MBD5: variants seen among roughly 807,000 people sequenced by gnomAD.
MBD5 encodes methyl-CpG-binding domain protein 5.
In MBD5, 13 loss-of-function variants were observed where a neutral mutation model predicts 117.3. The observed-to-expected ratio is 0.11, with a 90% CI of 0.07 to 0.18. The LOEUF (loss-of-function observed/expected upper bound fraction) is 0.18, where lower values mean the gene tolerates loss of function less well. MBD5 is among the 10% of genes least tolerant of loss of function. The probability of loss-of-function intolerance (pLI) is 1.00; values close to 1 mark genes in which losing one functional copy is unlikely to be tolerated. For missense variants in MBD5, 1,879 were observed against 2,093.8 expected, an observed-to-expected ratio of 0.90 and a Z score of 2.00; for synonymous variants, 727 against 766.4, an observed-to-expected ratio of 0.95 and a Z score of 0.85.
At chr2:148,065,943 A>T (rs1238369405) in intron 1 of MBD5, among the ~76,000 whole-genome samples, 1 of 152,206 alleles carries the variant, frequency 6.6e-6, no homozygotes, top group East Asian at 1.9e-4. Flanking sequence ...TGCTATTTTA[A>T]GGTTTCGGGT....
chr2:148,098,803 T>C (rs1574011432), intron 1 of MBD5, among the ~76,000 whole-genome samples: 1 of 151,806 alleles, frequency 6.6e-6, no homozygotes, highest in Non-Finnish European at 1.5e-5. Context: ...GTAGTCCCAG[T>C]GCTTTGGGAG....
intron 4 of MBD5, among the ~76,000 whole-genome samples, chr2:148,401,938 C>T (rs906760000): frequency 6.6e-6 from 1 of 151,904 alleles, no homozygotes; most frequent in Non-Finnish European, 1.5e-5. Flanking sequence ...GATTGCCCCT[C>T]AATTTGGGTT....
intron 2 of MBD5, among the ~76,000 whole-genome samples, chr2:148,189,187 C>T (rs1393946429): frequency 2.0e-5 from 3 of 147,376 alleles, no homozygotes; most frequent in African/African-American, 7.8e-5. Context: ...GGGAGGGGCG[C>T]CCGCCATTGC....
rs1457040183 is a variant in MBD5, at chr2:148,516,093, C to T, written c.*3152C>T. The stretch of plus-strand genomic sequence containing the variant: ...ACACAGCCTTCTTATTTGAACGTAA[C>T]ACTGCAGAATTGCAGGAAGAGAAAA... On this transcript the variant is annotated 3_prime_UTR_variant, in exon 14 of 14. Transcript: ENST00000642680. 1 of 152,174 alleles carries T rather than the reference C, an allele frequency of 6.6e-6. No individual in the cohort carries two copies. The highest frequency in any genetic ancestry group is 2.4e-5 in the African/African-American group (1 of 41,444). The allele number at this position is 152,174 out of a possible 1,614,324, so 9.4% of individuals were successfully genotyped here. A position where few individuals can be genotyped will look rare whatever the true frequency, so the allele number is the denominator to read the frequency against.
At chr2:148,466,426 T>C (rs1707260530) in intron 7 of MBD5, among the ~76,000 whole-genome samples, 1 of 152,168 alleles carries the variant, frequency 6.6e-6, no homozygotes, top group South Asian at 2.1e-4. Flanking sequence ...TAAATTCTGT[T>C]AGTTGAATAT....
At chr2:148,386,975 G>A (rs1704392110) in intron 4 of MBD5, among the ~76,000 whole-genome samples, 1 of 152,034 alleles carries the variant, frequency 6.6e-6, no homozygotes, top group Admixed American at 6.5e-5. Flanking sequence ...CTGACCCCTG[G>A]CCTTTCAAAT....
chr2:148,196,204 C>G (rs1698983838), intron 2 of MBD5: 2 of 152,096 alleles, frequency 1.3e-5, no homozygotes, highest in South Asian at 4.1e-4. Context: ...AGCAAGTCCT[C>G]CAGGAAGTTC....
intron 11 of MBD5, among the ~76,000 whole-genome samples, chr2:148,499,360 A>G (rs1382760721): frequency 1.3e-5 from 2 of 152,250 alleles, no homozygotes; most frequent in Non-Finnish European, 2.9e-5. Context: ...AACTATGAAT[A>G]CATATAAATT....
intron 1 of MBD5, among the ~76,000 whole-genome samples, chr2:148,140,685 T>C (rs1697291923): frequency 6.6e-6 from 1 of 152,194 alleles, no homozygotes. Flanking sequence ...AAGTAGGATA[T>C]ATAAAACATT....
chr2:148,107,868 A>AT (rs1169557170), intron 1 of MBD5, among the ~76,000 whole-genome samples: 1 of 152,026 alleles, frequency 6.6e-6, no homozygotes, highest in African/African-American at 2.4e-5. Context: ...TGAACTACTC[A>AT]TTTTTTTAAC....
intron 4 of MBD5, among the ~76,000 whole-genome samples, chr2:148,368,316 G>A (rs1319361935): frequency 6.6e-6 from 1 of 152,000 alleles, no homozygotes; most frequent in African/African-American, 2.4e-5. Context: ...TCACACACTG[G>A]GGCCTGTCAG....
At chr2:148,490,704 T>A (rs1681498969) in intron 11 of MBD5, 110 bp downstream of exon 11, 1 of 1,372,710 alleles carries the variant, frequency 7.3e-7, no homozygotes, top group Non-Finnish European at 1.0e-6. Flanking sequence ...GGATTCTTCA[T>A]GACTCATTGA....
rs572966913 is a variant in MBD5 at position 148,179,142 on chromosome 2, C to G, written c.-831+349C>G. Among the ~76,000 whole-genome samples the G allele has an allele frequency of 5.9e-5, 9 of 152,216 alleles. No individual in the cohort carries two copies. The South Asian group carries it at 1.7e-3, about 28-fold the overall frequency. On this transcript the variant is annotated intron_variant, in intron 2 of 13. Coordinates refer to ENST00000642680, the MANE Select transcript of MBD5 (RefSeq NM_001378120.1). The stretch of plus-strand genomic sequence containing the variant: ...GGCCGAGGCGGGCGGATCACGAGGT[C>G]AGGAGATCCAGACCATCCTGGAGAA...
intron 4 of MBD5, among the ~76,000 whole-genome samples, chr2:148,382,207 C>A (rs1704169799): frequency 6.6e-6 from 1 of 151,414 alleles, no homozygotes; most frequent in East Asian, 1.9e-4. Flanking sequence ...ATTCAGGAAA[C>A]CCATCTCACG....
chr2:148,161,255 A>G (rs991902133), intron 1 of MBD5, among the ~76,000 whole-genome samples: 1 of 152,194 alleles, frequency 6.6e-6, no homozygotes, highest in Non-Finnish European at 1.5e-5. Flanking sequence ...TTCAGCTGTG[A>G]GCTCTAATCC....
intron 7 of MBD5, among the ~76,000 whole-genome samples, chr2:148,466,005 T>C: frequency 6.6e-6 from 1 of 152,284 alleles, no homozygotes. Flanking sequence ...AAGGTAAATA[T>C]ATAACTAGCA....
chr2:148,021,079 C>T (rs1482519177), upstream of MBD5: 1 of 152,506 alleles, frequency 6.6e-6, no homozygotes, highest in African/African-American at 2.4e-5. Context: ...ACCCGAACCC[C>T]CCCTCCCCCC....
chr2:148,291,061 G>A (rs1020705133), intron 3 of MBD5, among the ~76,000 whole-genome samples: 4 of 152,100 alleles, frequency 2.6e-5, no homozygotes, highest in Non-Finnish European at 5.9e-5. Context: ...ATCTGTATGT[G>A]TCTATCTTTT....
At chr2:148,511,673 T>C (rs1682218361) in intron 13 of MBD5, among the ~76,000 whole-genome samples, 1 of 152,234 alleles carries the variant, frequency 6.6e-6, no homozygotes, top group African/African-American at 2.4e-5. Context: ...CACAGATTAC[T>C]AGTTTGCAGT....
Sources: gnomAD v4.1 joint callset for allele counts (sites outside exome capture counted in the v4.1 genomes callset) on GRCh38, gnomAD v4.1.1 for gene constraint, MANE v1.5 for transcripts, NCBI Gene and HGNC (gene_info 2026-07-23, HGNC 2026-07-21) for gene names.